The following OSBPL1A variants were observed in gnomAD, a reference collection of about 807,000 sequenced individuals.
OSBPL1A encodes the protein oxysterol-binding protein-related protein 1.
In OSBPL1A, 80 loss-of-function variants were observed where a neutral mutation model predicts 137.1. The ratio of observed to expected loss-of-function variants is 0.58; its 90% CI spans 0.49 to 0.70. OSBPL1A has a LOEUF of 0.70. Ranked by LOEUF, OSBPL1A falls within the 30% of genes least tolerant of loss-of-function variation. The probability of loss-of-function intolerance (pLI) is 0.00; values close to 1 mark genes in which losing one functional copy is unlikely to be tolerated. For missense variants in OSBPL1A, 970 were observed against 1,129.4 expected, an observed-to-expected ratio of 0.86 and a Z score of 2.02; for synonymous variants, 365 against 389.7, an observed-to-expected ratio of 0.94 and a Z score of 0.75.
intron 16 of OSBPL1A, among the ~76,000 whole-genome samples, chr18:24,234,683 T>A (rs1195680077): frequency 1.3e-5 from 2 of 152,238 alleles, no homozygotes; most frequent in African/African-American, 4.8e-5. Flanking sequence ...CACATGGACT[T>A]TAGATCTAAT....
chr18:24,171,153 G>A (rs554725041), intron 23 of OSBPL1A, among the ~76,000 whole-genome samples: 3 of 151,930 alleles, frequency 2.0e-5, no homozygotes, highest in Admixed American at 2.0e-4. Context: ...TCCTGCCTCA[G>A]CCTCCCAATG....
At chr18:24,325,043 G>A (rs1400290384) in intron 7 of OSBPL1A, among the ~76,000 whole-genome samples, 2 of 147,120 alleles carry the variant, frequency 1.4e-5, no homozygotes, top group Non-Finnish European at 3.0e-5. Context: ...CCGAGATTGC[G>A]CCACTGCACT....
chr18:24,329,789 A>T (rs1441301395), intron 7 of OSBPL1A, among the ~76,000 whole-genome samples: 1 of 152,174 alleles, frequency 6.6e-6, no homozygotes, highest in South Asian at 2.1e-4. Flanking sequence ...TGTATAAAAA[A>T]AGTCTCTAAA....
At chr18:24,232,157 G>A (rs1273040539) in intron 16 of OSBPL1A, among the ~76,000 whole-genome samples, 4 of 152,148 alleles carry the variant, frequency 2.6e-5, no homozygotes, top group African/African-American at 9.7e-5. Context: ...TAGCCTTGAG[G>A]TACAACTGCA....
intron 4 of OSBPL1A, among the ~76,000 whole-genome samples, chr18:24,347,465 G>A (rs879643309): frequency 2.6e-5 from 4 of 152,282 alleles, no homozygotes; most frequent in East Asian, 3.9e-4. Context: ...AACTACAGGC[G>A]TAAGCCACAG....
rs1034065335 is a variant in OSBPL1A at position 24,271,473 on chromosome 18, C to A, written c.1281+9369G>T. ...CCCTCCCCACGCGCCCGCGGCTGCACCCCACTCTGCACACACACGTCCAAC... is the reference window on the plus strand; with the variant it reads ...CCCTCCCCACGCGCCCGCGGCTGCAACCCACTCTGCACACACACGTCCAAC... On this transcript the variant is annotated intron_variant, in intron 15 of 27. Transcript: ENST00000319481. This position sits in a 1 kb window ranked among gnomAD's most constrained non-coding sequence, Gnocchi z 4.0. The A allele has an allele frequency of 2.5e-5, 21 of 855,798 alleles. No individual in the cohort carries two copies. Among genetic ancestry groups the A allele is most frequent in the Non-Finnish European group, 3.0e-5 (21 of 711,718 alleles). The allele number at this position is 855,798 out of a possible 1,614,324, so 53.0% of individuals were successfully genotyped here.
At chr18:24,201,064 C>T (rs76620390) in intron 17 of OSBPL1A, among the ~76,000 whole-genome samples, 1,611 of 152,258 alleles carry the variant, frequency 0.011, 26 homozygotes, top group African/African-American at 0.037. Context: ...CAGTGATTCT[C>T]TCTCGGTGGA....
intron 15 of OSBPL1A, among the ~76,000 whole-genome samples, chr18:24,278,687 A>C (rs1456959008): frequency 6.6e-6 from 1 of 152,226 alleles, no homozygotes; most frequent in Admixed American, 6.5e-5. Context: ...ATATCTCTGG[A>C]ACAAGAAAGC....
At chr18:24,255,229 A>G (rs1189407706) in intron 15 of OSBPL1A, among the ~76,000 whole-genome samples, 1 of 152,246 alleles carries the variant, frequency 6.6e-6, no homozygotes, top group Non-Finnish European at 1.5e-5. Flanking sequence ...CAGTAAAGAA[A>G]AGCCTGGGAC....
At chr18:24,311,209 T>C (rs551552972) in intron 13 of OSBPL1A, among the ~76,000 whole-genome samples, 14 of 152,224 alleles carry the variant, frequency 9.2e-5, no homozygotes, top group Non-Finnish European at 1.8e-4. Flanking sequence ...GGAATTTAAC[T>C]TCATTAAAGT....
chr18:24,226,404 T>G (rs2088078033), intron 16 of OSBPL1A, among the ~76,000 whole-genome samples: 1 of 152,204 alleles, frequency 6.6e-6, no homozygotes, highest in South Asian at 2.1e-4. Context: ...AAACTTTAAA[T>G]GGTGCCTGAG....
At chr18:24,345,618 G>A (rs778752470) in intron 4 of OSBPL1A, among the ~76,000 whole-genome samples, 6 of 152,114 alleles carry the variant, frequency 3.9e-5, no homozygotes, top group Non-Finnish European at 8.8e-5. Context: ...CCCAGGAGGC[G>A]GAGGTTGCAA....
chr18:24,375,516 T>C (rs1364715176), intron 2 of OSBPL1A, among the ~76,000 whole-genome samples: 1 of 152,210 alleles, frequency 6.6e-6, no homozygotes, highest in Non-Finnish European at 1.5e-5. Flanking sequence ...ACTTGGCTGC[T>C]ATGTTGTTTC....
At chr18:24,198,776 T>C (rs1046791161) in intron 17 of OSBPL1A, among the ~76,000 whole-genome samples, 2 of 151,634 alleles carry the variant, frequency 1.3e-5, no homozygotes, top group African/African-American at 4.9e-5. Context: ...ACTGCCACAA[T>C]GGGGCAGCAG....
At chr18:24,265,248 G>A (rs1208172213) in intron 15 of OSBPL1A, among the ~76,000 whole-genome samples, 2 of 152,214 alleles carry the variant, frequency 1.3e-5, no homozygotes, top group African/African-American at 2.4e-5. Flanking sequence ...GGGAGGCCGA[G>A]GTGGGTGGAT....
chr18:24,335,919 C>A (rs180831023), intron 5 of OSBPL1A, among the ~76,000 whole-genome samples: 1 of 152,314 alleles, frequency 6.6e-6, no homozygotes, highest in Non-Finnish European at 1.5e-5. Flanking sequence ...TTTATTTCCA[C>A]ACCCAGACTC....
At chr18:24,260,012 TA>T (rs2146039992) in intron 15 of OSBPL1A, among the ~76,000 whole-genome samples, 2 of 151,904 alleles carry the variant, frequency 1.3e-5, no homozygotes, top group African/African-American at 4.8e-5. Flanking sequence ...ACAATCCAAT[TA>T]AAAAATGGGC....
At chr18:24,185,328 CTTTTTTTTTTTT>C (rs200202342) in intron 18 of OSBPL1A, among the ~76,000 whole-genome samples, 14,840 of 139,904 alleles carry the variant, frequency 0.11, 1,794 homozygotes, top group African/African-American at 0.29. Context: ...ATTCTTTTTT[CTTTTTTTTTTTT>C]TTTTTGAGAC....
At chr18:24,258,536 TAGAA>T (rs2089350859) in intron 15 of OSBPL1A, among the ~76,000 whole-genome samples, 1 of 152,214 alleles carries the variant, frequency 6.6e-6, no homozygotes. Context: ...AATAAAAAAA[TAGAA>T]AGAATGAATA....
Sources: allele counts gnomAD v4.1 joint callset (sites outside exome capture counted in the v4.1 genomes callset), GRCh38; gene constraint gnomAD v4.1.1; non-coding constraint Gnocchi (gnomAD v3.1); transcripts MANE v1.5; gene names NCBI Gene and HGNC (gene_info 2026-07-23, HGNC 2026-07-21).